ASAP1: variants seen among roughly 807,000 people sequenced by gnomAD.
ASAP1 encodes ArfGAP with SH3 domain, ankyrin repeat and PH domain 1.
A neutral mutation model predicts 145.2 loss-of-function variants in ASAP1; 43 were observed. That is an observed-to-expected ratio of 0.30 (90% CI 0.23 to 0.38). The LOEUF (loss-of-function observed/expected upper bound fraction) is 0.38. ASAP1 is among the 10% of genes least tolerant of loss of function. ASAP1 has a pLI of 1.00. For synonymous variants in ASAP1, 546 were observed against 515.5 expected (o/e 1.06, Z -0.80); for missense variants, 1,018 against 1,355.3 (o/e 0.75, Z 3.91).
At chr8:130,350,339 T>C (rs1825925017) in intron 3 of ASAP1, among the ~76,000 whole-genome samples, 1 of 152,168 alleles carries the variant, frequency 6.6e-6, no homozygotes, top group African/African-American at 2.4e-5. Context: ...TTCAAATCCC[T>C]GCATGGTTTC....
chr8:130,372,017 A>G (rs1278230495), intron 2 of ASAP1, among the ~76,000 whole-genome samples: 2 of 152,190 alleles, frequency 1.3e-5, no homozygotes, highest in Non-Finnish European at 2.9e-5. Context: ...TGTGTTTGGG[A>G]TTGTATATTT....
chr8:130,259,836 C>T (rs971741296), intron 3 of ASAP1, among the ~76,000 whole-genome samples: 1 of 152,146 alleles, frequency 6.6e-6, no homozygotes, highest in Non-Finnish European at 1.5e-5. Flanking sequence ...AGTTCTAAGA[C>T]AAGCAAACTG....
Position 130,116,977 on chromosome 8 carries a change from C to T in ASAP1, c.1899G>A (p.Gln633=). 2 of 1,607,960 alleles carry T rather than the reference C, an allele frequency of 1.2e-6. No individual in the cohort carries two copies. Among genetic ancestry groups the T allele is most frequent in the Non-Finnish European group, 1.7e-6 (2 of 1,177,934 alleles). ...GTAGAACTGTGTTTCCCAGGGCCGTCTGCTTATCCAGGTTCCCACTGAAAA... is the reference window on the plus strand; with the variant it reads ...GTAGAACTGTGTTTCCCAGGGCCGTTTGCTTATCCAGGTTCCCACTGAAAA... ...LVQNCGNLDK[Q]TALGNTVLHY... The change falls in exon 21 of 30, where the codon CAG becomes CAA. Residue 633 remains glutamine (Q), a synonymous_variant. Coordinates refer to ENST00000518721, the MANE Select transcript of ASAP1 (RefSeq NM_018482.4).
At chr8:130,265,881 C>T (rs971223997) in intron 3 of ASAP1, among the ~76,000 whole-genome samples, 4 of 152,068 alleles carry the variant, frequency 2.6e-5, no homozygotes, top group African/African-American at 9.6e-5. Context: ...CTGTCTCCCC[C>T]GAAAAAAGCA....
At chr8:130,390,982 C>T (rs77582042) in intron 2 of ASAP1, among the ~76,000 whole-genome samples, 1,591 of 148,702 alleles carry the variant, frequency 0.011, 25 homozygotes, top group African/African-American at 0.039. Context: ...ATTTGTATAC[C>T]CATATTCATA....
At chr8:130,344,742 A>AAAACAAAC (rs760226346) in intron 3 of ASAP1, among the ~76,000 whole-genome samples, 3 of 152,180 alleles carry the variant, frequency 2.0e-5, no homozygotes, top group Admixed American at 6.6e-5. Context: ...GTCTCTTAAA[A>AAAACAAAC]AAACAAACAA....
At chr8:130,129,911 A>G (rs950452648) in intron 15 of ASAP1, among the ~76,000 whole-genome samples, 2 of 152,232 alleles carry the variant, frequency 1.3e-5, no homozygotes, top group Non-Finnish European at 2.9e-5. Flanking sequence ...AGTATTTTTT[A>G]TATCAGTCTG....
At chr8:130,278,742 G>A (rs911343528) in intron 3 of ASAP1, among the ~76,000 whole-genome samples, 2 of 152,166 alleles carry the variant, frequency 1.3e-5, no homozygotes, top group African/African-American at 4.8e-5. Context: ...AAATACGCAT[G>A]GGTGAAACAG....
intron 3 of ASAP1, among the ~76,000 whole-genome samples, chr8:130,341,510 C>A (rs1825380953): frequency 6.6e-6 from 1 of 152,216 alleles, no homozygotes; most frequent in African/African-American, 2.4e-5. Context: ...TGCCAAGCCT[C>A]AGGACCCTTA....
At chr8:130,272,072 G>C (rs10956517) in intron 3 of ASAP1, among the ~76,000 whole-genome samples, 1 of 152,052 alleles carries the variant, frequency 6.6e-6, no homozygotes, top group African/African-American at 2.4e-5. Flanking sequence ...GGCTGAGACA[G>C]GAGGATTGCT....
At chr8:130,220,970 A>G (rs1817258171) in intron 4 of ASAP1, among the ~76,000 whole-genome samples, 1 of 152,126 alleles carries the variant, frequency 6.6e-6, no homozygotes, top group African/African-American at 2.4e-5. Flanking sequence ...ATAACTTCCT[A>G]TGAGGTCCCT....
chr8:130,104,138 A>G (rs928157595), intron 24 of ASAP1, among the ~76,000 whole-genome samples: 1 of 152,206 alleles, frequency 6.6e-6, no homozygotes, highest in African/African-American at 2.4e-5. Context: ...CTGGGTACTC[A>G]GTACACAACT....
intron 3 of ASAP1, among the ~76,000 whole-genome samples, chr8:130,272,898 A>C (rs1401806044): frequency 6.6e-6 from 1 of 152,194 alleles, no homozygotes; most frequent in African/African-American, 2.4e-5. Flanking sequence ...GTACAAACAT[A>C]CAATTAGAGG....
chr8:130,093,686 A>AAAAAAAAAAAAAAAAAACAAAAAAG (rs767063471), intron 24 of ASAP1, among the ~76,000 whole-genome samples: 1 of 131,986 alleles, frequency 7.6e-6, no homozygotes, highest in African/African-American at 3.3e-5. Context: ...AAAAAAAAAA[A>AAAAAAAAAAAAAAAAAACAAAAAAG]AAAGAAAGCT....
intron 2 of ASAP1, among the ~76,000 whole-genome samples, chr8:130,383,323 C>G (rs1329773173): frequency 6.6e-6 from 1 of 152,206 alleles, no homozygotes; most frequent in East Asian, 1.9e-4. Context: ...ATGTCCACAT[C>G]CCAGACTTTT....
At chr8:130,174,722 G>A (rs1813835026) in intron 9 of ASAP1, among the ~76,000 whole-genome samples, 1 of 152,220 alleles carries the variant, frequency 6.6e-6, no homozygotes, top group Non-Finnish European at 1.5e-5. Flanking sequence ...AAGGGGTTTA[G>A]AGAGCTGCTG....
At chr8:130,383,585 T>C (rs1345176624) in intron 2 of ASAP1, among the ~76,000 whole-genome samples, 1 of 152,180 alleles carries the variant, frequency 6.6e-6, no homozygotes, top group Non-Finnish European at 1.5e-5. Context: ...TGGGATCTAA[T>C]ATTATTCCCA....
chr8:130,329,388 C>A (rs897897736), intron 3 of ASAP1, among the ~76,000 whole-genome samples: 1 of 152,196 alleles, frequency 6.6e-6, no homozygotes, highest in African/African-American at 2.4e-5. Flanking sequence ...AGAACTTGCA[C>A]AGTTGCTACA....
At chr8:130,171,948 A>C (rs955082646) in intron 9 of ASAP1, among the ~76,000 whole-genome samples, 1 of 152,192 alleles carries the variant, frequency 6.6e-6, no homozygotes, top group Admixed American at 6.5e-5. Context: ...TCTGGAGAAA[A>C]GTTTTGAAGG....
Sources: allele counts gnomAD v4.1 joint callset (sites outside exome capture counted in the v4.1 genomes callset), GRCh38; gene constraint gnomAD v4.1.1; transcripts MANE v1.5; gene names NCBI Gene and HGNC (gene_info 2026-07-23, HGNC 2026-07-21).